SV2C: variants seen among roughly 807,000 people sequenced by gnomAD.
SV2C encodes the protein solute carrier family 22 member B3.
SV2C carries 49 observed loss-of-function variants against 79.7 expected under a neutral mutation model. That is an observed-to-expected ratio of 0.61 (90% CI 0.49 to 0.78). The LOEUF (loss-of-function observed/expected upper bound fraction) is 0.78. SV2C is among the 30% of genes least tolerant of loss of function. SV2C has a pLI of 0.00. For synonymous variants in SV2C, 334 were observed against 333.2 expected (o/e 1.00, Z -0.03); for missense variants, 833 against 912.9 (o/e 0.91, Z 1.13).
At chr5:76,033,076 C>T in the SV2C span, among the ~76,000 whole-genome samples, 2 of 151,974 alleles carry the variant, frequency 1.3e-5, no homozygotes, top group African/African-American at 4.8e-5. Context: ...TGTCCTTTGT[C>T]CACTTTTTGA....
chr5:75,872,764 T>C, the SV2C span, among the ~76,000 whole-genome samples: 15,616 of 151,722 alleles, frequency 0.1, 872 homozygotes, highest in East Asian at 0.16. Flanking sequence ...ACGAAAAATA[T>C]GGGGGAAGGG....
the SV2C span, among the ~76,000 whole-genome samples, chr5:76,041,842 C>G: frequency 6.6e-6 from 1 of 152,198 alleles, no homozygotes; most frequent in East Asian, 1.9e-4. Context: ...TTTCATTACT[C>G]TATACAAGTC....
At chr5:76,314,606 A>G (rs903233424) in intron 12 of SV2C, among the ~76,000 whole-genome samples, 5 of 152,162 alleles carry the variant, frequency 3.3e-5, no homozygotes, top group African/African-American at 1.2e-4. Flanking sequence ...GAAATTTTAA[A>G]TGATCTCAAC....
In SV2C at chr5:76,330,463, A is replaced by G. The variant is rs1266736260; in HGVS notation, c.*4916A>G. 1.3e-5 allele frequency: 2 copies of G among 152,152 alleles called. No individual in the cohort carries two copies. 9.4% of individuals were successfully genotyped at this position (152,152 alleles called of 1,614,324 possible). ...ACGTATTGAGACACTGCTGTGTGCA[A>G]TAATTAAGCCTATGGAGGACTTAAA... On this transcript the variant is annotated 3_prime_UTR_variant, in exon 13 of 13. Transcript: ENST00000502798.
the SV2C span, among the ~76,000 whole-genome samples, chr5:75,930,003 C>G: frequency 6.6e-6 from 1 of 152,198 alleles, no homozygotes; most frequent in Non-Finnish European, 1.5e-5. Context: ...TCAAATTCCT[C>G]TTAGCTACCA....
chr5:76,001,324 G>A, the SV2C span, among the ~76,000 whole-genome samples: 4 of 152,324 alleles, frequency 2.6e-5, no homozygotes, highest in African/African-American at 7.2e-5. Context: ...TTTTCCGCCA[G>A]GCGCGGTGGC....
the SV2C span, among the ~76,000 whole-genome samples, chr5:75,901,791 G>T: frequency 6.6e-6 from 1 of 152,236 alleles, no homozygotes; most frequent in Non-Finnish European, 1.5e-5. Flanking sequence ...CCTGGGCAAT[G>T]GCAGGTGCCC....
chr5:76,220,678 A>G (rs1470001695), intron 4 of SV2C, among the ~76,000 whole-genome samples: 5 of 151,900 alleles, frequency 3.3e-5, no homozygotes, highest in Non-Finnish European at 7.4e-5. Flanking sequence ...TAACAAAGGT[A>G]TAAGCAAGAT....
At chr5:76,285,990 C>T (rs1580024894) in intron 6 of SV2C, 120 bp downstream of exon 6, 1 of 795,704 alleles carries the variant, frequency 1.3e-6, no homozygotes, top group African/African-American at 1.7e-5. Flanking sequence ...AGCTACTCAG[C>T]TCTGCCATTG....
the SV2C span, among the ~76,000 whole-genome samples, chr5:75,850,654 A>G: frequency 6.6e-6 from 1 of 152,144 alleles, no homozygotes; most frequent in Non-Finnish European, 1.5e-5. Context: ...AAAAGCATAT[A>G]TATGTATAAA....
intron 5 of SV2C, chr5:76,285,498 T>G: frequency 1.4e-6 from 1 of 709,026 alleles, no homozygotes; most frequent in Non-Finnish European, 2.2e-6. Flanking sequence ...AGCACTCATG[T>G]TTCTCCTTAA....
chr5:75,923,042 G>A, the SV2C span, among the ~76,000 whole-genome samples: 5 of 152,276 alleles, frequency 3.3e-5, 1 homozygote, highest in African/African-American at 1.2e-4. Context: ...ACAAATAGCT[G>A]AGCTTTGATA....
intron 12 of SV2C, among the ~76,000 whole-genome samples, chr5:76,323,292 A>G (rs1039726354): frequency 6.6e-6 from 1 of 152,256 alleles, no homozygotes; most frequent in Non-Finnish European, 1.5e-5. Flanking sequence ...AGAAAAGCTC[A>G]ACATCACTGA....
At chr5:76,344,986 C>A (rs534145859) in intron 12 of SV2C, among the ~76,000 whole-genome samples, 13 of 152,176 alleles carry the variant, frequency 8.5e-5, no homozygotes, top group Non-Finnish European at 1.8e-4. Flanking sequence ...CTTATTCTAA[C>A]GTGCACAATC....
At chr5:76,038,971 A>G in the SV2C span, among the ~76,000 whole-genome samples, 2 of 152,242 alleles carry the variant, frequency 1.3e-5, no homozygotes, top group Non-Finnish European at 2.9e-5. Flanking sequence ...GCACAATATG[A>G]CATACAAAGC....
chr5:76,211,362 C>CA (rs1444362076), intron 4 of SV2C, among the ~76,000 whole-genome samples: 1 of 152,126 alleles, frequency 6.6e-6, no homozygotes, highest in Non-Finnish European at 1.5e-5. Flanking sequence ...CCAAAAGCTC[C>CA]AAGTTGCTTC....
At chr5:76,274,593 T>C (rs1358974477) in intron 4 of SV2C, among the ~76,000 whole-genome samples, 1 of 152,098 alleles carries the variant, frequency 6.6e-6, no homozygotes, top group Non-Finnish European at 1.5e-5. Flanking sequence ...TGATATTCCA[T>C]TGTAAGGCTA....
At chr5:76,319,935 C>T (rs982283030) in intron 12 of SV2C, among the ~76,000 whole-genome samples, 3 of 152,130 alleles carry the variant, frequency 2.0e-5, no homozygotes, top group South Asian at 2.1e-4. Flanking sequence ...CCATTTTCCC[C>T]GGAAGAATCC....
At chr5:76,064,030 G>C in the SV2C span, among the ~76,000 whole-genome samples, 1 of 152,132 alleles carries the variant, frequency 6.6e-6, no homozygotes, top group African/African-American at 2.4e-5. Flanking sequence ...ATAACAATGT[G>C]GTGGGGAACA....
Sources: allele counts gnomAD v4.1 joint callset (sites outside exome capture counted in the v4.1 genomes callset), GRCh38; gene constraint gnomAD v4.1.1; transcripts MANE v1.5; gene names NCBI Gene and HGNC (gene_info 2026-07-23, HGNC 2026-07-21).